The following KCTD16 variants were observed in gnomAD, a reference collection of about 807,000 sequenced individuals.
KCTD16 encodes BTB/POZ domain-containing protein KCTD16.
A neutral mutation model predicts 33.2 loss-of-function variants in KCTD16; 13 were observed. The observed-to-expected ratio is 0.39, with a 90% confidence interval of 0.25 to 0.62. The LOEUF is 0.62. KCTD16 is among the 20% of genes least tolerant of loss of function. KCTD16 has a pLI of 0.50. For missense variants in KCTD16, 441 were observed against 525.1 expected, an observed-to-expected ratio of 0.84 and a Z score of 1.57; for synonymous variants, 197 against 195.3, an observed-to-expected ratio of 1.01 and a Z score of -0.07.
Position 144,475,849 on chromosome 5 carries a change from T to G in KCTD16, c.*1735T>G, listed in dbSNP as rs1024887367. On this transcript the variant is annotated 3_prime_UTR_variant, in exon 4 of 4. Coordinates refer to ENST00000512467, the MANE Select transcript of KCTD16 (RefSeq NM_020768.4). ...ATTAGTATATGAATATCTTTCTGAA[T>G]TTTTGTAATTCTCGCCTTCACACTA... 6.6e-6 allele frequency: 1 copy of G among 152,438 alleles called. No homozygotes were observed. The highest frequency in any genetic ancestry group is 6.5e-5 in the Admixed American group (1 of 15,284). The allele number at this position is 152,438 out of a possible 1,614,324, so 9.4% of individuals were successfully genotyped here. A position where few individuals can be genotyped will look rare whatever the true frequency, so the allele number is the denominator to read the frequency against.
At chr5:144,432,845 T>C (rs2126970464) in intron 3 of KCTD16, among the ~76,000 whole-genome samples, 1 of 152,290 alleles carries the variant, frequency 6.6e-6, no homozygotes, top group South Asian at 2.1e-4. Flanking sequence ...TATGTCTATA[T>C]GTATGCATAC....
intron 3 of KCTD16, among the ~76,000 whole-genome samples, chr5:144,450,834 A>T (rs1400693003): frequency 6.6e-6 from 1 of 152,138 alleles, no homozygotes; most frequent in Non-Finnish European, 1.5e-5. Flanking sequence ...TGGGTAAAAA[A>T]TTTCAGTTAT....
chr5:144,297,017 G>T (rs1756055952), intron 3 of KCTD16, among the ~76,000 whole-genome samples: 2 of 152,132 alleles, frequency 1.3e-5, no homozygotes, highest in African/African-American at 2.4e-5. Context: ...CCTGATTTCT[G>T]TAACTTATAT....
At chr5:144,454,730 A>C (rs1754022587) in intron 3 of KCTD16, among the ~76,000 whole-genome samples, 1 of 151,964 alleles carries the variant, frequency 6.6e-6, no homozygotes, top group Non-Finnish European at 1.5e-5. Flanking sequence ...AGTACTTTTT[A>C]CCAGGAGGGT....
intron 2 of KCTD16, among the ~76,000 whole-genome samples, chr5:144,181,559 G>T (rs899257491): frequency 2.0e-5 from 3 of 152,190 alleles, no homozygotes. Flanking sequence ...AAAATTTGTT[G>T]TTGGTGGTGG....
At chr5:144,219,566 G>A (rs1281071460) in intron 3 of KCTD16, among the ~76,000 whole-genome samples, 1 of 137,926 alleles carries the variant, frequency 7.3e-6, no homozygotes, top group Non-Finnish European at 1.5e-5. Flanking sequence ...TGTCTCGCAG[G>A]CTGGAGTGCA....
chr5:144,367,498 A>T (rs1313917099), intron 3 of KCTD16, among the ~76,000 whole-genome samples: 1 of 152,150 alleles, frequency 6.6e-6, no homozygotes, highest in Non-Finnish European at 1.5e-5. Context: ...AACCAAGAGA[A>T]CCATGAATAA....
chr5:144,453,001 A>G (rs371738270), intron 3 of KCTD16, among the ~76,000 whole-genome samples: 151 of 152,290 alleles, frequency 9.9e-4, no homozygotes, highest in African/African-American at 3.5e-3. Context: ...TCTGTTGCAC[A>G]GAAAATGAGG....
intron 3 of KCTD16, among the ~76,000 whole-genome samples, chr5:144,281,099 G>A (rs984214047): frequency 1.3e-5 from 2 of 152,162 alleles, no homozygotes; most frequent in Non-Finnish European, 2.9e-5. Flanking sequence ...GGAGAATGGC[G>A]TGAACCTGGC....
At chr5:144,271,250 G>A (rs1561549199) in intron 3 of KCTD16, among the ~76,000 whole-genome samples, 1 of 151,882 alleles carries the variant, frequency 6.6e-6, no homozygotes, top group Admixed American at 6.6e-5. Context: ...GAAAATTGAT[G>A]CAAAAATCCT....
chr5:144,329,366 G>A (rs886546008), intron 3 of KCTD16, among the ~76,000 whole-genome samples: 2 of 152,174 alleles, frequency 1.3e-5, no homozygotes, highest in African/African-American at 4.8e-5. Context: ...AGCATAAAGA[G>A]GAGATGGTCC....
At chr5:144,381,241 T>A (rs997628937) in intron 3 of KCTD16, among the ~76,000 whole-genome samples, 1 of 151,944 alleles carries the variant, frequency 6.6e-6, no homozygotes. Flanking sequence ...AAAACCACAA[T>A]GAGATACCGT....
intron 3 of KCTD16, among the ~76,000 whole-genome samples, chr5:144,287,036 T>G (rs1184141587): frequency 6.6e-6 from 1 of 152,104 alleles, no homozygotes; most frequent in Non-Finnish European, 1.5e-5. Flanking sequence ...ATGTAAGCAT[T>G]TTGTTAGGGG....
In KCTD16 at chr5:144,290,446, T is replaced by C. The variant is rs531512235; in HGVS notation, c.832+82900T>C. Among the ~76,000 whole-genome samples, 9 of 152,366 alleles carry C rather than the reference T, an allele frequency of 5.9e-5. No individual in the cohort carries two copies. In the East Asian group the frequency reaches 1.7e-3, roughly 29 times the overall value. On this transcript the variant is annotated intron_variant, in intron 3 of 3. Coordinates refer to ENST00000512467, the MANE Select transcript of KCTD16 (RefSeq NM_020768.4). ...TATTCTTTTTGTATTGGAATCTTCC[T>C]TTGCAATGATAGGTATTCTTCAATT...
chr5:144,204,530 C>G (rs6887762), intron 2 of KCTD16, among the ~76,000 whole-genome samples: 43,224 of 152,024 alleles, frequency 0.28, 7,511 homozygotes, highest in African/African-American at 0.48. Context: ...CTTTTAGCAG[C>G]AGTGCCTTCC....
chr5:144,418,923 G>T (rs1247592454), intron 3 of KCTD16, among the ~76,000 whole-genome samples: 1 of 152,050 alleles, frequency 6.6e-6, no homozygotes, highest in Non-Finnish European at 1.5e-5. Context: ...TTAACATCAT[G>T]GTTATGTTTG....
chr5:144,232,050 C>G (rs1468655378), intron 3 of KCTD16, among the ~76,000 whole-genome samples: 1 of 152,140 alleles, frequency 6.6e-6, no homozygotes, highest in Non-Finnish European at 1.5e-5. Context: ...AGGCCCCTTC[C>G]CATTCTATAA....
intron 3 of KCTD16, among the ~76,000 whole-genome samples, chr5:144,379,522 T>A (rs1275334165): frequency 6.6e-6 from 1 of 152,140 alleles, no homozygotes; most frequent in East Asian, 1.9e-4. Context: ...TTATAATAGA[T>A]TAAAGACAAG....
chr5:144,308,923 C>T (rs1751681688), intron 3 of KCTD16, among the ~76,000 whole-genome samples: 1 of 151,924 alleles, frequency 6.6e-6, no homozygotes, highest in African/African-American at 2.4e-5. Flanking sequence ...TCTCATTCCT[C>T]ACACGTGGGC....
Sources: gnomAD v4.1 joint callset for allele counts (sites outside exome capture counted in the v4.1 genomes callset) on GRCh38, gnomAD v4.1.1 for gene constraint, MANE v1.5 for transcripts, NCBI Gene and HGNC (gene_info 2026-07-23, HGNC 2026-07-21) for gene names.